The following UNC13C variants were observed in gnomAD, a reference collection of about 807,000 sequenced individuals.
UNC13C encodes the protein protein unc-13 homolog C.
Under a neutral mutation model 245.4 loss-of-function variants are expected in UNC13C, and 174 were observed. The observed-to-expected ratio is 0.71, with a 90% CI of 0.63 to 0.80. The LOEUF (loss-of-function observed/expected upper bound fraction) is 0.80. Among genes scored for constraint, UNC13C ranks in the 30% least tolerant of loss-of-function variants. UNC13C has a pLI of 0.00. For synonymous variants in UNC13C, 992 were observed against 895.1 expected (o/e 1.11, Z -1.93); for missense variants, 2,829 against 2,602.9 (o/e 1.09, Z -1.89).
intron 1 of UNC13C, among the ~76,000 whole-genome samples, chr15:53,988,847 T>C (rs546669429): frequency 1.3e-5 from 2 of 152,146 alleles, no homozygotes; most frequent in East Asian, 3.9e-4. Context: ...ACCATTGTGT[T>C]TCTCAAACCT....
At chr15:53,876,410 T>A in the UNC13C span, among the ~76,000 whole-genome samples, 1 of 152,194 alleles carries the variant, frequency 6.6e-6, no homozygotes, top group Non-Finnish European at 1.5e-5. Context: ...GCCGTGTTAA[T>A]CTTTGTAGAA....
At chr15:54,159,605 T>TA (rs2032891891) in intron 4 of UNC13C, among the ~76,000 whole-genome samples, 1 of 152,208 alleles carries the variant, frequency 6.6e-6, no homozygotes, top group Non-Finnish European at 1.5e-5. Context: ...CTTAATAATC[T>TA]AGAGTTTAAG....
intron 2 of UNC13C, among the ~76,000 whole-genome samples, chr15:54,031,668 G>A (rs1595740664): frequency 6.6e-6 from 1 of 152,318 alleles, no homozygotes; most frequent in East Asian, 1.9e-4. Context: ...GTTTGCCTGT[G>A]TGCATGTGTG....
chr15:54,519,086 G>A (rs1219478680), intron 24 of UNC13C, among the ~76,000 whole-genome samples: 1 of 152,030 alleles, frequency 6.6e-6, no homozygotes, highest in Non-Finnish European at 1.5e-5. Flanking sequence ...CACATTATCT[G>A]TGCTTTGGTT....
Position 54,455,164 on chromosome 15 carries a change from C to CCTCTCTCT in UNC13C, c.4934-39409_4934-39402dup, listed in dbSNP as rs1203605020. Reference sequence around the variant, plus strand: ...TTCCTTTCTATGGCTGAGTCATATTCCTCTCTCTCTCTCTCTCTCTCTCTC... The same window carrying CCTCTCTCT: ...TTCCTTTCTATGGCTGAGTCATATTCCTCTCTCTCTCTCTCTCTCTCTCTCTCTCTCTC... On this transcript the variant is annotated intron_variant, in intron 19 of 32. Coordinates refer to ENST00000260323, the MANE Select transcript of UNC13C (RefSeq NM_001080534.3). Among the ~76,000 whole-genome samples, 52 of 17,506 alleles carry CCTCTCTCT rather than the reference C, an allele frequency of 3.0e-3. 3 individuals carry two copies. Among genetic ancestry groups the CCTCTCTCT allele is most frequent in the South Asian group, 0.013 (3 of 226 alleles). 11.5% of individuals were successfully genotyped at this position (17,506 alleles called of 152,430 possible). A position where few individuals can be genotyped will look rare whatever the true frequency, so the allele number is the denominator to read the frequency against.
At chr15:54,189,745 A>G (rs999990810) in intron 4 of UNC13C, among the ~76,000 whole-genome samples, 1 of 152,120 alleles carries the variant, frequency 6.6e-6, no homozygotes, top group African/African-American at 2.4e-5. Flanking sequence ...AGTTGTGGCA[A>G]AGCTTATAGG....
At chr15:54,066,103 AC>A (rs1453660603) in intron 2 of UNC13C, among the ~76,000 whole-genome samples, 1 of 152,182 alleles carries the variant, frequency 6.6e-6, no homozygotes, top group Non-Finnish European at 1.5e-5. Flanking sequence ...AACATTCTTA[AC>A]CCAGTCAGCA....
At position 54,337,206 on chromosome 15, in the gene UNC13C, C is replaced by T. The variant is rs548623381; in HGVS notation, c.4585-1155C>T. The stretch of plus-strand genomic sequence containing the variant: ...ATTCCTTCTCATTTGTCTGTTGTCA[C>T]AGATTTAGAATTATGTAAGATTTAA... On this transcript the variant is annotated intron_variant, in intron 16 of 32. Transcript: ENST00000260323. Among the ~76,000 whole-genome samples, 7 of 152,252 alleles carry T rather than the reference C, an allele frequency of 4.6e-5. No individual in the cohort carries two copies. In the East Asian group the frequency reaches 1.2e-3, roughly 25 times the overall value.
At chr15:54,113,984 C>T (rs552541420) in intron 2 of UNC13C, among the ~76,000 whole-genome samples, 15 of 152,208 alleles carry the variant, frequency 9.9e-5, no homozygotes, top group Middle Eastern at 3.4e-3. Flanking sequence ...TCCTTCACAC[C>T]TCTGAAAGGC....
At chr15:54,477,117 G>A (rs200232894) in intron 19 of UNC13C, among the ~76,000 whole-genome samples, 26,910 of 72,204 alleles carry the variant, frequency 0.37, 5,088 homozygotes, top group East Asian at 0.52. Context: ...TTTGTCTGTT[G>A]TTGGTGTATA....
intron 2 of UNC13C, among the ~76,000 whole-genome samples, chr15:54,019,113 T>C (rs1343205718): frequency 1.3e-5 from 2 of 152,208 alleles, no homozygotes; most frequent in Non-Finnish European, 2.9e-5. Flanking sequence ...ATAACACCAC[T>C]ATTAATTTTA....
intron 30 of UNC13C, among the ~76,000 whole-genome samples, chr15:54,610,790 C>T (rs1566938117): frequency 6.6e-6 from 1 of 152,184 alleles, no homozygotes; most frequent in Non-Finnish European, 1.5e-5. Flanking sequence ...GATTCAAACC[C>T]AGGCAGTATG....
chr15:54,420,792 C>G (rs1233079683), intron 19 of UNC13C, among the ~76,000 whole-genome samples: 1 of 151,916 alleles, frequency 6.6e-6, no homozygotes, highest in Non-Finnish European at 1.5e-5. Flanking sequence ...AAATTATTGT[C>G]TAAGATGCTA....
chr15:53,904,936 C>G, the UNC13C span, among the ~76,000 whole-genome samples: 3 of 151,982 alleles, frequency 2.0e-5, no homozygotes, highest in Admixed American at 2.0e-4. Flanking sequence ...TGTAACAGTA[C>G]ATAGTAAGTG....
At chr15:54,372,031 A>G (rs2039497854) in intron 17 of UNC13C, among the ~76,000 whole-genome samples, 1 of 152,202 alleles carries the variant, frequency 6.6e-6, no homozygotes, top group South Asian at 2.1e-4. Flanking sequence ...ATTGTACAAC[A>G]TGTGACTATT....
rs907368843 is a variant in UNC13C at position 54,548,085 on chromosome 15, G to C, written c.5820+1240G>C. ...TGGGTTCCCTCTCTGGAAAACTGAAGCTTGCATGACTGTCACAGATTGCAG... is the reference window on the plus strand; with the variant it reads ...TGGGTTCCCTCTCTGGAAAACTGAACCTTGCATGACTGTCACAGATTGCAG... On this transcript the variant is annotated intron_variant, in intron 27 of 32. Transcript: ENST00000260323. Among the ~76,000 whole-genome samples, 24 of 152,078 alleles carry C rather than the reference G, an allele frequency of 1.6e-4. 1 individual carries two copies. The highest frequency in any genetic ancestry group is 9.2e-4 in the Admixed American group (14 of 15,260).
upstream of UNC13C, among the ~76,000 whole-genome samples, chr15:53,978,094 A>C (rs117175714): frequency 4.6e-3 from 702 of 152,368 alleles, 3 homozygotes; most frequent in Non-Finnish European, 7.2e-3. Flanking sequence ...AGTCAAGTAC[A>C]TCTAAAACAG....
upstream of UNC13C, chr15:53,974,984 T>A (rs924929124): frequency 6.6e-6 from 1 of 152,084 alleles, no homozygotes; most frequent in Non-Finnish European, 1.5e-5. Context: ...TTGGCAGGAG[T>A]CCTTAGTTCC....
At chr15:53,959,186 A>G in the UNC13C span, among the ~76,000 whole-genome samples, 3 of 151,956 alleles carry the variant, frequency 2.0e-5, no homozygotes, top group African/African-American at 7.2e-5. Flanking sequence ...TTATCTGTTC[A>G]TCCTTTGATG....
Sources: allele counts gnomAD v4.1 joint callset (sites outside exome capture counted in the v4.1 genomes callset), GRCh38; gene constraint gnomAD v4.1.1; transcripts MANE v1.5; gene names NCBI Gene and HGNC (gene_info 2026-07-23, HGNC 2026-07-21).